The following DOK6 variants were observed in gnomAD, a reference collection of about 807,000 sequenced individuals.
The protein encoded by DOK6 is docking protein 6, also known as downstream of tyrosine kinase 6.
DOK6 carries 22 observed loss-of-function variants against 44.0 expected under a neutral mutation model. The observed-to-expected ratio is 0.50, with a 90% CI of 0.36 to 0.71. The LOEUF is 0.71. Ranked by LOEUF, DOK6 falls within the 30% of genes least tolerant of loss-of-function variation. DOK6 has a pLI of 0.00. For synonymous variants in DOK6, 166 were observed against 145.5 expected, an observed-to-expected ratio of 1.14 and a Z score of -1.01; for missense variants, 340 against 416.4, an observed-to-expected ratio of 0.82 and a Z score of 1.60.
chr18:69,800,094 A>T (rs1033640913), intron 7 of DOK6, among the ~76,000 whole-genome samples: 1 of 11,668 alleles, frequency 8.6e-5, no homozygotes, highest in Non-Finnish European at 1.4e-3. Flanking sequence ...CGTTCTATTA[A>T]AAAAAAACAC....
intron 6 of DOK6, among the ~76,000 whole-genome samples, chr18:69,747,290 A>T (rs1241661689): frequency 6.6e-6 from 1 of 152,232 alleles, no homozygotes; most frequent in African/African-American, 2.4e-5. Flanking sequence ...TAAAGAGCAA[A>T]AGGAAAGTCA....
intron 7 of DOK6, among the ~76,000 whole-genome samples, chr18:69,771,155 G>A (rs1979876231): frequency 1.3e-5 from 2 of 151,908 alleles, no homozygotes; most frequent in South Asian, 4.1e-4. Context: ...GAAAACTCAA[G>A]ACATGAAGAA....
At chr18:69,750,454 G>A (rs1448518609) in intron 6 of DOK6, among the ~76,000 whole-genome samples, 1 of 152,072 alleles carries the variant, frequency 6.6e-6, no homozygotes, top group Non-Finnish European at 1.5e-5. Context: ...ACATAAAAAT[G>A]GCTACAAAGG....
chr18:69,509,425 C>A (rs952688397), intron 1 of DOK6, among the ~76,000 whole-genome samples: 2 of 152,014 alleles, frequency 1.3e-5, no homozygotes, highest in Admixed American at 1.3e-4. Context: ...ATCACGAGGT[C>A]AGGAGATCGA....
chr18:69,523,511 GT>G (rs1229771403), intron 1 of DOK6, among the ~76,000 whole-genome samples: 18 of 151,954 alleles, frequency 1.2e-4, no homozygotes, highest in African/African-American at 4.3e-4. Flanking sequence ...CCAATTTAAT[GT>G]AAGATACATA....
At chr18:69,511,137 A>T (rs1460383469) in intron 1 of DOK6, among the ~76,000 whole-genome samples, 1 of 152,166 alleles carries the variant, frequency 6.6e-6, no homozygotes, top group Non-Finnish European at 1.5e-5. Context: ...TTCTTTCCTC[A>T]TATCCTATGC....
At chr18:69,537,521 G>A (rs1982156135) in intron 1 of DOK6, among the ~76,000 whole-genome samples, 1 of 152,164 alleles carries the variant, frequency 6.6e-6, no homozygotes, top group African/African-American at 2.4e-5. Context: ...ATTGTTTCAT[G>A]TGTACATTTA....
At chr18:69,458,299 A>G (rs569378055) in intron 1 of DOK6, among the ~76,000 whole-genome samples, 5 of 152,244 alleles carry the variant, frequency 3.3e-5, no homozygotes, top group African/African-American at 1.2e-4. Context: ...GCAAAAACAT[A>G]TATCATCTCA....
intron 1 of DOK6, among the ~76,000 whole-genome samples, chr18:69,532,297 A>G (rs1568287912): frequency 1.3e-5 from 2 of 152,220 alleles, no homozygotes; most frequent in Non-Finnish European, 2.9e-5. Flanking sequence ...GCATTTATCA[A>G]CAAACATTTG....
intron 7 of DOK6, among the ~76,000 whole-genome samples, chr18:69,839,664 T>G (rs1982156527): frequency 6.6e-6 from 1 of 152,232 alleles, no homozygotes; most frequent in East Asian, 1.9e-4. Flanking sequence ...GCAGGAAGCA[T>G]CACCACCCTC....
At chr18:69,585,939 A>G (rs1983489192) in intron 2 of DOK6, among the ~76,000 whole-genome samples, 1 of 152,188 alleles carries the variant, frequency 6.6e-6, no homozygotes, top group Admixed American at 6.5e-5. Flanking sequence ...GAACAGCTGC[A>G]ACAACATTTT....
chr18:69,749,522 T>C (rs1979099405), intron 6 of DOK6, among the ~76,000 whole-genome samples: 1 of 152,078 alleles, frequency 6.6e-6, no homozygotes, highest in Admixed American at 6.6e-5. Flanking sequence ...TTCCACAGGA[T>C]ATATGTTCTT....
At chr18:69,593,736 C>G (rs1983674633) in intron 2 of DOK6, among the ~76,000 whole-genome samples, 1 of 152,114 alleles carries the variant, frequency 6.6e-6, no homozygotes, top group African/African-American at 2.4e-5. Context: ...AAATAGAAAT[C>G]ACAATATCTG....
intron 7 of DOK6, among the ~76,000 whole-genome samples, chr18:69,814,602 C>A (rs1012468268): frequency 6.6e-6 from 1 of 152,092 alleles, no homozygotes; most frequent in African/African-American, 2.4e-5. Flanking sequence ...CACAGTTCCA[C>A]AGGATTAACA....
chr18:69,705,680 A>G (rs1201522281), intron 5 of DOK6, among the ~76,000 whole-genome samples: 4 of 152,158 alleles, frequency 2.6e-5, no homozygotes, highest in Non-Finnish European at 5.9e-5. Flanking sequence ...TAAAAACATT[A>G]AGTGTCTGTC....
At chr18:69,708,238 T>C (rs745904610) in intron 5 of DOK6, among the ~76,000 whole-genome samples, 7 of 152,188 alleles carry the variant, frequency 4.6e-5, no homozygotes, top group Non-Finnish European at 8.8e-5. Context: ...ATTTTAATAA[T>C]AATCCTTTAG....
intron 1 of DOK6, among the ~76,000 whole-genome samples, chr18:69,427,933 A>G (rs903771377): frequency 6.6e-6 from 1 of 152,046 alleles, no homozygotes. Context: ...GCCCACCACC[A>G]CACCCAGCTA....
intron 4 of DOK6, among the ~76,000 whole-genome samples, chr18:69,685,615 G>GC (rs1986135965): frequency 6.6e-6 from 1 of 152,150 alleles, no homozygotes; most frequent in Non-Finnish European, 1.5e-5. Flanking sequence ...TGGAGGTGGA[G>GC]CCTAGACATT....
chr18:69,541,957 AAAAG>A (rs1427641127), intron 1 of DOK6, among the ~76,000 whole-genome samples: 18 of 151,664 alleles, frequency 1.2e-4, no homozygotes, highest in African/African-American at 3.9e-4. Context: ...AATAATTTTA[AAAAG>A]AAAGGGAGTT....
Sources: allele counts gnomAD v4.1 joint callset (sites outside exome capture counted in the v4.1 genomes callset), GRCh38; gene constraint gnomAD v4.1.1; transcripts MANE v1.5; gene names NCBI Gene and HGNC (gene_info 2026-07-23, HGNC 2026-07-21).